PACSIN2: variants seen among roughly 807,000 people sequenced by gnomAD.
PACSIN2 encodes protein kinase C and casein kinase substrate in neurons protein 2.
A neutral mutation model predicts 63.8 loss-of-function variants in PACSIN2; 25 were observed. The observed-to-expected ratio is 0.39, with a 90% CI of 0.29 to 0.55. The LOEUF is 0.55. Among genes scored for constraint, PACSIN2 ranks in the 20% least tolerant of loss-of-function variants. PACSIN2 has a pLI of 0.62. For missense variants in PACSIN2, 518 were observed against 646.9 expected, an observed-to-expected ratio of 0.80 and a Z score of 2.16; for synonymous variants, 255 against 256.2, an observed-to-expected ratio of 1.00 and a Z score of 0.05.
intron 1 of PACSIN2, among the ~76,000 whole-genome samples, chr22:42,985,409 C>G (rs925307494): frequency 6.6e-6 from 1 of 152,230 alleles, no homozygotes; most frequent in Non-Finnish European, 1.5e-5. Context: ...ATGGGCTCCA[C>G]GTTCTGCCCA....
intron 1 of PACSIN2, among the ~76,000 whole-genome samples, chr22:42,977,205 T>C (rs1016546594): frequency 6.6e-6 from 1 of 152,154 alleles, no homozygotes; most frequent in African/African-American, 2.4e-5. Context: ...GCAAAAAATC[T>C]TAAAATTTTA....
intron 1 of PACSIN2, among the ~76,000 whole-genome samples, chr22:42,986,554 C>T (rs1360850684): frequency 1.3e-5 from 2 of 152,202 alleles, no homozygotes; most frequent in African/African-American, 4.8e-5. Flanking sequence ...TGGGGCCCTG[C>T]ACGCTGCTGA....
intron 1 of PACSIN2, among the ~76,000 whole-genome samples, chr22:42,969,043 C>CTCCATCCATCCGTCCA (rs1921044205): frequency 6.6e-6 from 1 of 150,772 alleles, no homozygotes; most frequent in Admixed American, 6.6e-5. Context: ...ATCTATCTAT[C>CTCCATCCATCCGTCCA]TCCATCCATC....
chr22:42,946,619 A>T (rs1349983270), intron 1 of PACSIN2, among the ~76,000 whole-genome samples: 1 of 152,226 alleles, frequency 6.6e-6, no homozygotes, highest in Non-Finnish European at 1.5e-5. Context: ...CCAGTTACAC[A>T]ACACACAAAG....
chr22:43,003,263 A>G (rs1252757677), intron 1 of PACSIN2, among the ~76,000 whole-genome samples: 1 of 152,216 alleles, frequency 6.6e-6, no homozygotes, highest in African/African-American at 2.4e-5. Flanking sequence ...GATTTAAAGA[A>G]AGCAAAAAAG....
At chr22:43,012,050 C>A (rs1277904978) in intron 1 of PACSIN2, among the ~76,000 whole-genome samples, 4 of 152,112 alleles carry the variant, frequency 2.6e-5, no homozygotes, top group African/African-American at 7.2e-5. Flanking sequence ...GAGGCTGAGG[C>A]AGGGGAATCA....
intron 10 of PACSIN2, 102 bp downstream of exon 10, chr22:42,876,035 G>GA (rs1399187382): frequency 3.0e-6 from 3 of 992,492 alleles, no homozygotes; most frequent in African/African-American, 3.3e-5. Flanking sequence ...ACTCACAAGT[G>GA]AAACTAGCAA....
chr22:42,971,727 C>T (rs1921292516), intron 1 of PACSIN2, among the ~76,000 whole-genome samples: 1 of 152,086 alleles, frequency 6.6e-6, no homozygotes, highest in South Asian at 2.1e-4. Context: ...AGGAGCATCT[C>T]TGTCCGGCAG....
At chr22:43,011,012 C>A (rs932486066) in intron 1 of PACSIN2, among the ~76,000 whole-genome samples, 3 of 152,286 alleles carry the variant, frequency 2.0e-5, no homozygotes, top group Middle Eastern at 3.4e-3. Flanking sequence ...TTTGAGAATT[C>A]TTTGAAGCCT....
chr22:42,893,718 T>TGTGGTAAA, intron 2 of PACSIN2, 105 bp from the exon 3 acceptor site: 1 of 1,138,508 alleles, frequency 8.8e-7, no homozygotes, highest in Non-Finnish European at 1.3e-6. Context: ...GCCCCTGGGG[T>TGTGGTAAA]CATGTTTACC....
intron 1 of PACSIN2, 78 bp downstream of exon 1, chr22:43,014,943 G>GCCGCGGACCAGCGCCCCCGCGTCCCGC (rs1226441218): frequency 1.1e-4 from 17 of 149,764 alleles, no homozygotes; most frequent in African/African-American, 3.6e-4. Flanking sequence ...CGCGGGCCCG[G>GCCGCGGACCAGCGCCCCCGCGTCCCGC]CCGCGGACCA....
intron 1 of PACSIN2, among the ~76,000 whole-genome samples, chr22:42,920,293 T>G (rs1327597808): frequency 1.3e-5 from 2 of 152,144 alleles, no homozygotes; most frequent in Admixed American, 6.5e-5. Context: ...CTGGGTGCCA[T>G]GCAAGATGAA....
At chr22:42,959,747 T>A (rs1453841094) in intron 1 of PACSIN2, 1 of 152,206 alleles carries the variant, frequency 6.6e-6, no homozygotes, top group Non-Finnish European at 1.5e-5. Context: ...AAAATTCTAC[T>A]TTCAAAGAGG....
intron 2 of PACSIN2, among the ~76,000 whole-genome samples, chr22:42,894,405 G>C (rs887332543): frequency 2.0e-5 from 3 of 152,158 alleles, no homozygotes; most frequent in Non-Finnish European, 4.4e-5. Context: ...ATCACACCCA[G>C]CTAGTTTTTG....
chr22:42,881,273 C>T (rs998581283), intron 7 of PACSIN2, among the ~76,000 whole-genome samples: 1 of 152,188 alleles, frequency 6.6e-6, no homozygotes, highest in Non-Finnish European at 1.5e-5. Flanking sequence ...CCTGCGTGGA[C>T]AAAGTCACCA....
chr22:42,975,191 T>A (rs1434444337), intron 1 of PACSIN2, among the ~76,000 whole-genome samples: 1 of 152,216 alleles, frequency 6.6e-6, no homozygotes, highest in East Asian at 1.9e-4. Flanking sequence ...TACTCAGTTA[T>A]TAGCATGGAG....
intron 9 of PACSIN2, 50 bp from the exon 10 acceptor site, chr22:42,876,383 T>A (rs774155692): frequency 3.9e-6 from 6 of 1,530,516 alleles, no homozygotes; most frequent in Non-Finnish European, 5.4e-6. Flanking sequence ...CGGCAGAGGG[T>A]GTGAGGCCCC....
intron 1 of PACSIN2, among the ~76,000 whole-genome samples, chr22:42,956,397 T>A (rs1220808081): frequency 6.6e-6 from 1 of 152,152 alleles, no homozygotes; most frequent in Non-Finnish European, 1.5e-5. Context: ...TTACTTGGTG[T>A]CAAGGCAGAA....
At chr22:42,894,875 T>C (rs1472663689) in intron 2 of PACSIN2, among the ~76,000 whole-genome samples, 1 of 152,128 alleles carries the variant, frequency 6.6e-6, no homozygotes, top group African/African-American at 2.4e-5. Flanking sequence ...CTTGTCAGTT[T>C]TACCTTTTCT....
Sources: allele counts gnomAD v4.1 joint callset (sites outside exome capture counted in the v4.1 genomes callset), GRCh38; gene constraint gnomAD v4.1.1; transcripts MANE v1.5; gene names NCBI Gene and HGNC (gene_info 2026-07-23, HGNC 2026-07-21).